The following MAGI2 variants were observed in gnomAD, a reference collection of about 807,000 sequenced individuals.
The protein encoded by MAGI2 is membrane associated guanylate kinase, WW and PDZ domain containing 2, also known as membrane-associated guanylate kinase, WW and PDZ domain-containing protein 2.
MAGI2 carries 35 observed loss-of-function variants against 133.3 expected under a neutral mutation model. The ratio of observed to expected loss-of-function variants is 0.26; its 90% CI spans 0.20 to 0.35. The LOEUF (loss-of-function observed/expected upper bound fraction) is 0.35, where lower values mean the gene tolerates loss of function less well. Ranked by LOEUF, MAGI2 falls within the 10% of genes least tolerant of loss-of-function variation. The probability of loss-of-function intolerance (pLI) is 1.00; values close to 1 mark genes in which losing one functional copy is unlikely to be tolerated. For missense variants in MAGI2, 1,636 were observed against 1,863.4 expected (o/e 0.88, Z 2.25); for synonymous variants, 729 against 710.6 (o/e 1.03, Z -0.41).
intron 2 of MAGI2, among the ~76,000 whole-genome samples, chr7:78,743,403 A>T (rs1387141748): frequency 6.6e-6 from 1 of 152,232 alleles, no homozygotes; most frequent in African/African-American, 2.4e-5. Context: ...AAAGCATTTC[A>T]CCAAAAAAAG....
At chr7:78,239,197 T>G (rs1315958721) in intron 10 of MAGI2, among the ~76,000 whole-genome samples, 1 of 152,188 alleles carries the variant, frequency 6.6e-6, no homozygotes, top group Admixed American at 6.5e-5. Context: ...TTGGTAAAAC[T>G]GAATATCCCC....
chr7:78,702,538 T>A (rs1259313773), intron 2 of MAGI2, among the ~76,000 whole-genome samples: 1 of 152,034 alleles, frequency 6.6e-6, no homozygotes, highest in African/African-American at 2.4e-5. Context: ...AGTGACTTAA[T>A]ACATGTGAAA....
intron 1 of MAGI2, among the ~76,000 whole-genome samples, chr7:79,171,770 A>ATATATATATATATTTTTTTTTTTTTT: frequency 9.6e-5 from 3 of 31,220 alleles, no homozygotes; most frequent in African/African-American, 1.3e-4. Flanking sequence ...ATATATATAT[A>ATATATATATATATTTTTTTTTTTTTT]TTTTTTTTTT....
intron 1 of MAGI2, among the ~76,000 whole-genome samples, chr7:79,185,175 G>C (rs1826967850): frequency 6.6e-6 from 1 of 151,754 alleles, no homozygotes; most frequent in Admixed American, 6.6e-5. Context: ...ATTAAATTGT[G>C]AATAATGAGT....
At chr7:79,270,301 AAC>A (rs1455332986) in intron 1 of MAGI2, among the ~76,000 whole-genome samples, 2 of 152,114 alleles carry the variant, frequency 1.3e-5, no homozygotes, top group African/African-American at 4.8e-5. Context: ...CCTTGAGTCA[AAC>A]TCCTTTACTG....
At chr7:78,167,060 G>A (rs573178100) in intron 15 of MAGI2, among the ~76,000 whole-genome samples, 5 of 152,126 alleles carry the variant, frequency 3.3e-5, no homozygotes, top group African/African-American at 1.2e-4. Flanking sequence ...GGGTCAAGCA[G>A]AGAAGCCAGC....
intron 1 of MAGI2, among the ~76,000 whole-genome samples, chr7:79,151,013 GT>G: frequency 6.6e-6 from 1 of 151,768 alleles, no homozygotes; most frequent in South Asian, 2.1e-4. Flanking sequence ...TTTTGTTTTT[GT>G]TTTTGTTTTT....
chr7:78,501,725 G>A lies in MAGI2; in HGVS notation c.817C>T (p.Pro273Ser). The change falls in exon 5 of 22, where the codon CCT (proline) becomes TCT (serine). Residue 273 changes from proline to serine, a missense_variant. Physicochemically the swap from Pro to Ser is moderately conservative, Grantham distance 74. Around this residue, in one of 5 missense-constraint regions of MAGI2, gnomAD observed 165 missense variants for 128.4 expected, o/e 1.28. Transcript: ENST00000354212. ...ASGEMPSQPY[P>S]APVYSQPEEL... ...TCAGGCTGACTGTACACTGGTGCAGGATAAGGCTGGGAGGGCATCTCCCCT... is the reference window on the plus strand; with the variant it reads ...TCAGGCTGACTGTACACTGGTGCAGAATAAGGCTGGGAGGGCATCTCCCCT... The A allele has an allele frequency of 6.2e-7, 1 of 1,614,056 alleles. No individual in the cohort carries two copies. Among genetic ancestry groups the A allele is most frequent in the Non-Finnish European group, 8.5e-7 (1 of 1,179,984 alleles).
At chr7:78,871,859 A>C (rs1438589084) in intron 2 of MAGI2, among the ~76,000 whole-genome samples, 2 of 152,112 alleles carry the variant, frequency 1.3e-5, no homozygotes, top group Non-Finnish European at 2.9e-5. Flanking sequence ...GAAACACTGA[A>C]TAATTAGGAA....
intron 10 of MAGI2, among the ~76,000 whole-genome samples, chr7:78,244,980 A>G (rs1184612552): frequency 6.6e-6 from 1 of 152,222 alleles, no homozygotes; most frequent in Non-Finnish European, 1.5e-5. Context: ...GAGACTTTCC[A>G]TTTAAGTCAG....
At chr7:79,274,891 T>C (rs1348536762) in intron 1 of MAGI2, among the ~76,000 whole-genome samples, 1 of 152,170 alleles carries the variant, frequency 6.6e-6, no homozygotes, top group Non-Finnish European at 1.5e-5. Context: ...ATGTTATTAT[T>C]ATAATCATTT....
intron 3 of MAGI2, among the ~76,000 whole-genome samples, chr7:78,523,853 A>T (rs759093807): frequency 1.3e-5 from 2 of 152,158 alleles, no homozygotes; most frequent in African/African-American, 4.8e-5. Flanking sequence ...CAGCCAAGCC[A>T]TATCAAGGGG....
Position 79,453,513 on chromosome 7 carries a change from G to C in MAGI2, c.-193C>G, listed in dbSNP as rs1001347807. 24 of 1,393,460 alleles carry C rather than the reference G, an allele frequency of 1.7e-5. No homozygotes were observed. Among genetic ancestry groups the C allele is most frequent in the Non-Finnish European group, 2.2e-5 (24 of 1,078,734 alleles). 86.3% of individuals were successfully genotyped at this position (1,393,460 alleles called of 1,614,324 possible). On this transcript the variant is annotated 5_prime_UTR_variant, in exon 1 of 22. Transcript: ENST00000354212. Reference sequence around the variant, plus strand: ...AGGAATGGGGAGGATGAGAGGGACGGCTGGGCAGAGGTAGGAGAGCTTGGA... The same window carrying C: ...AGGAATGGGGAGGATGAGAGGGACGCCTGGGCAGAGGTAGGAGAGCTTGGA...
intron 20 of MAGI2, among the ~76,000 whole-genome samples, chr7:78,099,880 A>G (rs1045533865): frequency 1.3e-5 from 2 of 152,220 alleles, no homozygotes; most frequent in Admixed American, 6.5e-5. Context: ...TGCCAATGAT[A>G]ATAGTGTGGT....
In MAGI2 at chr7:79,440,247, C is replaced by G. The variant is rs568672574; in HGVS notation, c.301+12773G>C. On this transcript the variant is annotated intron_variant, in intron 1 of 21. Coordinates refer to ENST00000354212, the MANE Select transcript of MAGI2 (RefSeq NM_012301.4). Reference sequence around the variant, plus strand: ...GGATTCTAGCCTTGGAATTAGAACACTTTGATGAGTCAGTTTATAATTACA... The same window carrying G: ...GGATTCTAGCCTTGGAATTAGAACAGTTTGATGAGTCAGTTTATAATTACA... Among the ~76,000 whole-genome samples the G allele has an allele frequency of 1.6e-4, 24 of 151,550 alleles. No individual in the cohort carries two copies. The South Asian group carries it at 5.0e-3, about 32-fold the overall frequency.
In MAGI2 at chr7:78,502,614, T is replaced by C. The variant is rs1192668968; in HGVS notation, c.755-827A>G. ...TTGTTGTTCTTAATCTCTTACTGCA[T>C]CTGATTTATAAATTAAATTTTATCA... is the stretch of plus-strand genomic sequence containing the variant. On this transcript the variant is annotated intron_variant, in intron 4 of 21. Coordinates refer to ENST00000354212, the MANE Select transcript of MAGI2 (RefSeq NM_012301.4). Among the ~76,000 whole-genome samples, 2 of 152,222 alleles carry C rather than the reference T, an allele frequency of 1.3e-5. 1 individual carries two copies. Among genetic ancestry groups the C allele is most frequent in the South Asian group, 4.1e-4 (2 of 4,836 alleles).
chr7:79,196,221 A>AAAT (rs1828067202), intron 1 of MAGI2, among the ~76,000 whole-genome samples: 1 of 151,720 alleles, frequency 6.6e-6, no homozygotes, highest in African/African-American at 2.4e-5. Context: ...TGTCAATTTA[A>AAAT]AAATAAATAA....
At chr7:78,884,116 G>T (rs1393565411) in intron 2 of MAGI2, among the ~76,000 whole-genome samples, 1 of 152,070 alleles carries the variant, frequency 6.6e-6, no homozygotes, top group Non-Finnish European at 1.5e-5. Context: ...TCCAACAAAG[G>T]TCTAATATTC....
chr7:78,734,016 A>G (rs952165181), intron 2 of MAGI2, among the ~76,000 whole-genome samples: 2 of 152,246 alleles, frequency 1.3e-5, no homozygotes, highest in African/African-American at 4.8e-5. Flanking sequence ...GCATAATCGT[A>G]AACATAACAA....
Sources: gnomAD v4.1 joint callset for allele counts (sites outside exome capture counted in the v4.1 genomes callset) on GRCh38, gnomAD v4.1.1 for gene constraint, gnomAD v4.1.1 regional missense constraint, MANE v1.5 for transcripts, NCBI Gene and HGNC (gene_info 2026-07-23, HGNC 2026-07-21) for gene names.